SLC25A31: variants seen among roughly 807,000 people sequenced by gnomAD.
SLC25A31 encodes solute carrier family 25 member 31.
SLC25A31 carries 40 observed loss-of-function variants against 36.2 expected under a neutral mutation model. The ratio of observed to expected loss-of-function variants is 1.10; its 90% CI spans 0.86 to 1.44. SLC25A31 has a LOEUF of 1.44. SLC25A31 is among the 40% of genes most tolerant of loss of function. The probability of loss-of-function intolerance (pLI) is 0.00; values close to 1 mark genes in which losing one functional copy is unlikely to be tolerated. For synonymous variants in SLC25A31, 143 were observed against 149.7 expected (o/e 0.96, Z 0.32); for missense variants, 350 against 397.1 (o/e 0.88, Z 1.01).
At chr4:127,753,027 A>C (rs1731965855) in intron 2 of SLC25A31, among the ~76,000 whole-genome samples, 1 of 152,208 alleles carries the variant, frequency 6.6e-6, no homozygotes, top group South Asian at 2.1e-4. Flanking sequence ...ATAGTGGAGT[A>C]AAACTATAAA....
chr4:127,754,328 T>C (rs1731990626), intron 2 of SLC25A31, among the ~76,000 whole-genome samples: 1 of 152,020 alleles, frequency 6.6e-6, no homozygotes, highest in South Asian at 2.1e-4. Flanking sequence ...GGCATGCACA[T>C]GGACAGAAAG....
intron 3 of SLC25A31, among the ~76,000 whole-genome samples, chr4:127,766,330 G>T (rs910384816): frequency 7.9e-5 from 12 of 151,690 alleles, no homozygotes; most frequent in Non-Finnish European, 7.4e-5. Context: ...ACGACGCCTG[G>T]CTAATTTTTG....
At chr4:127,743,343 C>G (rs1731767439) in intron 1 of SLC25A31, among the ~76,000 whole-genome samples, 1 of 151,956 alleles carries the variant, frequency 6.6e-6, no homozygotes. Context: ...ACAATGTTGC[C>G]CAGGCTGGTC....
At position 127,773,401 on chromosome 4, in the gene SLC25A31, CG is replaced by C; in HGVS notation, c.777del (p.Gln260AsnfsTer6). Reference protein sequence around the residue: ...RMMMQSGEAKRQYKGTLDCFV... With the variant: ...RMMMQSGEAKXQYKGTLDCFV... ...CTTTGTATAGAGTGGTGAGGCTAAA[CG>C]GCAATATAAAGGAACCTTAGACTGC... On this transcript the variant is annotated frameshift_variant, in exon 6 of 6. Transcript: ENST00000281154. LOFTEE classifies it high-confidence loss of function. 2.5e-6 allele frequency: 4 copies of C among 1,612,050 alleles called. No homozygotes were observed. Among genetic ancestry groups the C allele is most frequent in the Non-Finnish European group, 3.4e-6 (4 of 1,179,430 alleles).
rs57035802 is a variant in SLC25A31 at position 127,743,130 on chromosome 4, CTTTTTTTTTTTT to C, written c.233-1536_233-1525del. 3.1e-5 allele frequency among the ~76,000 whole-genome samples: 4 copies of C among 128,064 alleles called. No individual in the cohort carries two copies. The Admixed American group carries it at 3.1e-4, about 10-fold the overall frequency. 84.0% of individuals were successfully genotyped at this position (128,064 alleles called of 152,430 possible). A position where few individuals can be genotyped will look rare whatever the true frequency, so the allele number is the denominator to read the frequency against. On this transcript the variant is annotated intron_variant, in intron 1 of 5. Transcript: ENST00000281154. ...TCAGAGAGTTTTTCTTTTTTCTTTT[CTTTTTTTTTTTT>C]TTTTTGAAGACAGGTTCTTATTCTG...
chr4:127,744,627 A>C (rs1255286491), intron 1 of SLC25A31, 45 bp from the exon 2 acceptor site: 32 of 1,508,312 alleles, frequency 2.1e-5, no homozygotes, highest in Non-Finnish European at 2.9e-5. Flanking sequence ...GCAATTGTTT[A>C]ATAATACAAT....
At chr4:127,738,625 G>A (rs950944581) in intron 1 of SLC25A31, among the ~76,000 whole-genome samples, 4 of 152,106 alleles carry the variant, frequency 2.6e-5, no homozygotes, top group African/African-American at 4.8e-5. Context: ...TATTAGGTTC[G>A]AATGGTCAAG....
intron 1 of SLC25A31, among the ~76,000 whole-genome samples, chr4:127,744,260 ATG>A (rs1731782785): frequency 6.6e-6 from 1 of 152,218 alleles, no homozygotes; most frequent in African/African-American, 2.4e-5. Context: ...TCTCATAAGT[ATG>A]TGTACAAATC....
At chr4:127,768,972 A>C in intron 5 of SLC25A31, 95 bp downstream of exon 5, 3 of 1,175,874 alleles carry the variant, frequency 2.6e-6, no homozygotes, top group Non-Finnish European at 3.5e-6. Flanking sequence ...GCTGAAAGGC[A>C]TAAGTCATTT....
chr4:127,769,024 A>G, intron 5 of SLC25A31, 147 bp downstream of exon 5: 1 of 712,100 alleles, frequency 1.4e-6, no homozygotes, highest in Non-Finnish European at 2.1e-6. Context: ...ATTCTGTCTT[A>G]TATTCTTTCC....
At chr4:127,762,872 CAAGATCTCGCCA>C (rs1459287864) in intron 2 of SLC25A31, among the ~76,000 whole-genome samples, 1 of 149,988 alleles carries the variant, frequency 6.7e-6, no homozygotes, top group Non-Finnish European at 1.5e-5. Flanking sequence ...TGCAGTGAGC[CAAGATCTCGCCA>C]CTGCACTCCA....
chr4:127,754,530 A>G (rs1036823264), intron 2 of SLC25A31, among the ~76,000 whole-genome samples: 4 of 94,780 alleles, frequency 4.2e-5, no homozygotes, highest in African/African-American at 1.4e-4. Context: ...AACATTTACA[A>G]TAGCTTTAAA....
intron 2 of SLC25A31, among the ~76,000 whole-genome samples, chr4:127,757,688 C>A (rs746856879): frequency 9.2e-5 from 14 of 152,126 alleles, no homozygotes; most frequent in Admixed American, 2.6e-4. Flanking sequence ...ATTTTTAGTT[C>A]TTTGAGATAT....
intron 2 of SLC25A31, among the ~76,000 whole-genome samples, chr4:127,760,123 T>G (rs1221393306): frequency 1.3e-5 from 2 of 152,156 alleles, no homozygotes; most frequent in Non-Finnish European, 2.9e-5. Context: ...ACTGACAAAA[T>G]CTGAATAGGG....
At chr4:127,733,431 G>A (rs1051263261) in intron 1 of SLC25A31, among the ~76,000 whole-genome samples, 1 of 152,168 alleles carries the variant, frequency 6.6e-6, no homozygotes, top group Non-Finnish European at 1.5e-5. Flanking sequence ...AAAAGTTTCA[G>A]ATTTGGAGAA....
At chr4:127,764,872 C>T (rs1011857316) in intron 3 of SLC25A31, among the ~76,000 whole-genome samples, 8 of 152,058 alleles carry the variant, frequency 5.3e-5, no homozygotes, top group Admixed American at 3.3e-4. Flanking sequence ...CTTACCCTCT[C>T]AAAAAGGGTA....
At chr4:127,765,563 G>T (rs1366274997) in intron 3 of SLC25A31, among the ~76,000 whole-genome samples, 4 of 152,068 alleles carry the variant, frequency 2.6e-5, no homozygotes, top group Admixed American at 6.5e-5. Context: ...GATACAGGGC[G>T]TGTGTGAGTG....
chr4:127,767,037 C>G (rs759737949), intron 3 of SLC25A31, 29 bp from the exon 4 acceptor site: 1 of 1,586,138 alleles, frequency 6.3e-7, no homozygotes, highest in Admixed American at 1.8e-5. Context: ...TATAATGTTG[C>G]TAATAGATTT....
At chr4:127,752,145 A>C (rs528730150) in intron 2 of SLC25A31, among the ~76,000 whole-genome samples, 1 of 152,314 alleles carries the variant, frequency 6.6e-6, no homozygotes, top group African/African-American at 2.4e-5. Flanking sequence ...CACTATTCAC[A>C]ATAGCAAAGA....
Sources: gnomAD v4.1 joint callset for allele counts (sites outside exome capture counted in the v4.1 genomes callset) on GRCh38, gnomAD v4.1.1 for gene constraint, MANE v1.5 for transcripts, NCBI Gene and HGNC (gene_info 2026-07-23, HGNC 2026-07-21) for gene names.